Variants in IGFBP2 observed in about 807,000 individuals in gnomAD.
IGFBP2 encodes insulin like growth factor binding protein 2, also known as insulin-like growth factor-binding protein 2.
Under a neutral mutation model 26.2 loss-of-function variants are expected in IGFBP2, and 12 were observed. The observed-to-expected ratio is 0.46, with a 90% CI of 0.29 to 0.74. The LOEUF is 0.74. Ranked by LOEUF, IGFBP2 falls within the 30% of genes least tolerant of loss-of-function variation. The pLI is 0.09. For synonymous variants in IGFBP2, 189 were observed against 200.6 expected (o/e 0.94, Z 0.49); for missense variants, 328 against 441.2 (o/e 0.74, Z 2.30).
At chr2:216,650,465 A>G (rs1194404009) in intron 1 of IGFBP2, among the ~76,000 whole-genome samples, 1 of 152,214 alleles carries the variant, frequency 6.6e-6, no homozygotes, top group Non-Finnish European at 1.5e-5. Flanking sequence ...AAGAGTTTGC[A>G]GAGTGGTTTG....
rs140014895 is a variant in IGFBP2 at position 216,647,809 on chromosome 2, T to C, written c.443-12748T>C. Among the ~76,000 whole-genome samples the C allele has an allele frequency of 8.9e-3, 1,356 of 152,282 alleles. 24 individuals carry two copies. Among genetic ancestry groups the C allele is most frequent in the African/African-American group, 0.029 (1,213 of 41,550 alleles). ...TGCTGGGATTACAGGGGTGAGCCAC[T>C]GCGCCCGGCCCTTATTTATTTGTTT... On this transcript the variant is annotated intron_variant, in intron 1 of 3. Coordinates refer to ENST00000233809, the MANE Select transcript of IGFBP2 (RefSeq NM_000597.3).
At chr2:216,651,781 G>T (rs984184476) in intron 1 of IGFBP2, among the ~76,000 whole-genome samples, 8 of 152,138 alleles carry the variant, frequency 5.3e-5, no homozygotes, top group Non-Finnish European at 1.2e-4. Context: ...TTGAAACAAG[G>T]TCTTGCTTTG....
At chr2:216,634,969 G>T (rs1169726207) in intron 1 of IGFBP2, among the ~76,000 whole-genome samples, 1 of 142,796 alleles carries the variant, frequency 7.0e-6, no homozygotes, top group Non-Finnish European at 1.5e-5. Context: ...TTTCCTCTTG[G>T]AGACAGTGGT....
intron 1 of IGFBP2, among the ~76,000 whole-genome samples, chr2:216,657,465 G>A (rs952961499): frequency 5.7e-4 from 86 of 152,156 alleles, no homozygotes; most frequent in African/African-American, 2.1e-3. Flanking sequence ...GAAGAGGGAA[G>A]GGGGGCTCTT....
chr2:216,642,082 C>T (rs1559175493), intron 1 of IGFBP2, among the ~76,000 whole-genome samples: 1 of 150,534 alleles, frequency 6.6e-6, no homozygotes, highest in Non-Finnish European at 1.5e-5. Context: ...TCACTGCAAG[C>T]TCCATCTCCC....
rs1207733769 is a variant in IGFBP2 at position 216,633,586 on chromosome 2, G to A, written c.63G>A (p.Leu21=). 5 of 1,019,036 alleles carry A rather than the reference G, an allele frequency of 4.9e-6. No homozygotes were observed. The African/African-American group carries it at 7.0e-5, about 14-fold the overall frequency. 63.1% of individuals were successfully genotyped at this position (1,019,036 alleles called of 1,614,324 possible). A position where few individuals can be genotyped will look rare whatever the true frequency, so the allele number is the denominator to read the frequency against. The part of the protein sequence containing the change: ...PLPPPPLLPL[L]LLLLGASGGG... Reference sequence around the variant, plus strand: ...CGCCGCCGCCGCTGCTGCCGCTGCTGCTGCTGCTACTGGGCGCGAGTGGCG... The same window carrying A: ...CGCCGCCGCCGCTGCTGCCGCTGCTACTGCTGCTACTGGGCGCGAGTGGCG... Residue 21 remains leucine, a synonymous_variant, in exon 1 of 4, where the codon CTG becomes CTA. Coordinates refer to ENST00000233809, the MANE Select transcript of IGFBP2 (RefSeq NM_000597.3).
Position 216,633,573 on chromosome 2 carries a change from T to TGCTGCCGCCGCTGCCGCTGCTGCCGCC in IGFBP2, c.58_59insCGCTGCCGCTGCTGCCGCCGCTGCCGC (p.Pro19_Leu20insProLeuProLeuLeuProProLeuPro), listed in dbSNP as rs771452702. On this transcript the variant is annotated inframe_insertion, in exon 1 of 4. Transcript: ENST00000233809. Reference sequence around the variant, plus strand: ...GCGCTGCCGCTGCCGCCGCCGCCGCTGCTGCCGCTGCTGCTGCTGCTACTG... The same window carrying TGCTGCCGCCGCTGCCGCTGCTGCCGCC: ...GCGCTGCCGCTGCCGCCGCCGCCGCTGCTGCCGCCGCTGCCGCTGCTGCCGCCGCTGCCGCTGCTGCTGCTGCTACTG... 4.0e-6 allele frequency: 4 copies of TGCTGCCGCCGCTGCCGCTGCTGCCGCC among 1,010,608 alleles called. No homozygotes were observed. The highest frequency in any genetic ancestry group is 1.8e-5 in the African/African-American group (1 of 56,638). The allele number at this position is 1,010,608 out of a possible 1,614,324, so 62.6% of individuals were successfully genotyped here. A position where few individuals can be genotyped will look rare whatever the true frequency, so the allele number is the denominator to read the frequency against.
intron 1 of IGFBP2, among the ~76,000 whole-genome samples, chr2:216,643,587 G>A (rs1261219865): frequency 6.6e-6 from 1 of 152,028 alleles, no homozygotes; most frequent in African/African-American, 2.4e-5. Flanking sequence ...CAATCTTTTG[G>A]CTTCCCTGGG....
At position 216,661,998 on chromosome 2, in the gene IGFBP2, G is replaced by A. The variant is rs756176893; in HGVS notation, c.813G>A (p.Gln271=). 2 of 1,614,036 alleles carry A rather than the reference G, an allele frequency of 1.2e-6. No individual in the cohort carries two copies. Among genetic ancestry groups the A allele is most frequent in the Non-Finnish European group, 1.7e-6 (2 of 1,179,944 alleles). ...CDKHGLYNLK[Q]CKMSLNGQRG... ...AGCATGGCCTGTACAACCTCAAACA[G>A]GTGAGCATGGTGCCAGCCTGGGCCA... is the stretch of plus-strand genomic sequence containing the variant. Residue 271 remains glutamine (Q), a splice_region_variant and synonymous_variant, in exon 3 of 4, where the codon CAG becomes CAA. Coordinates refer to ENST00000233809, the MANE Select transcript of IGFBP2 (RefSeq NM_000597.3).
chr2:216,654,467 T>C (rs1697882801), intron 1 of IGFBP2, among the ~76,000 whole-genome samples: 1 of 152,236 alleles, frequency 6.6e-6, no homozygotes, highest in Non-Finnish European at 1.5e-5. Context: ...AGCTCAGTAG[T>C]AAAAGCTTGA....
intron 1 of IGFBP2, among the ~76,000 whole-genome samples, chr2:216,636,776 C>T (rs1399469319): frequency 1.3e-5 from 2 of 152,194 alleles, no homozygotes; most frequent in Non-Finnish European, 2.9e-5. Flanking sequence ...CAGTATCTCC[C>T]CAGCCTCCTT....
rs9341184 is a variant in IGFBP2 at position 216,654,564 on chromosome 2, A to G, written c.443-5993A>G. Reference sequence around the variant, plus strand: ...GAATGCAGGCTTTTCTCAGCCTACAATGCTTTCTGATCTCTGCCTGGTCAA... The same window carrying G: ...GAATGCAGGCTTTTCTCAGCCTACAGTGCTTTCTGATCTCTGCCTGGTCAA... On this transcript the variant is annotated intron_variant, in intron 1 of 3. Coordinates refer to ENST00000233809, the MANE Select transcript of IGFBP2 (RefSeq NM_000597.3). Among the ~76,000 whole-genome samples the G allele has an allele frequency of 4.1e-3, 624 of 152,294 alleles. 4 individuals carry two copies. The highest frequency in any genetic ancestry group is 0.014 in the African/African-American group (593 of 41,572).
chr2:216,660,976 G>C, intron 2 of IGFBP2, 190 bp downstream of exon 2: 4 of 596,818 alleles, frequency 6.7e-6, no homozygotes, highest in Non-Finnish European at 9.0e-6. Context: ...CTGTGAAATA[G>C]ACTGGACATG....
intron 3 of IGFBP2, chr2:216,662,756 T>A (rs1306114778): frequency 6.6e-6 from 1 of 151,192 alleles, no homozygotes; most frequent in Non-Finnish European, 1.5e-5. Context: ...CTCAGCTCAC[T>A]GCAACCTCCG....
At chr2:216,636,642 A>C (rs1385910485) in intron 1 of IGFBP2, among the ~76,000 whole-genome samples, 2 of 152,150 alleles carry the variant, frequency 1.3e-5, no homozygotes, top group Non-Finnish European at 1.5e-5. Flanking sequence ...GGACTCTAAA[A>C]GCGTGTGTAT....
chr2:216,650,059 G>C (rs1337464196), intron 1 of IGFBP2, among the ~76,000 whole-genome samples: 1 of 152,212 alleles, frequency 6.6e-6, no homozygotes, highest in African/African-American at 2.4e-5. Flanking sequence ...GCCTCACCAG[G>C]AAGTTCTTCA....
chr2:216,634,786 G>A (rs993450576), intron 1 of IGFBP2, among the ~76,000 whole-genome samples: 1 of 128,618 alleles, frequency 7.8e-6, no homozygotes, highest in Non-Finnish European at 1.6e-5. Context: ...TAAATTGAGG[G>A]ACCCTTTCCT....
chr2:216,661,029 G>A (rs1688632975), intron 2 of IGFBP2: 2 of 548,108 alleles, frequency 3.6e-6, no homozygotes, highest in Admixed American at 3.4e-5. Context: ...TCACATTTCT[G>A]TATGGTTTTG....
At chr2:216,641,815 G>A (rs180684267) in intron 1 of IGFBP2, among the ~76,000 whole-genome samples, 12,833 of 148,994 alleles carry the variant, frequency 0.086, 620 homozygotes, top group African/African-American at 0.14. Context: ...TCAGCCTCCC[G>A]AGTAGCTGGG....
Sources: allele counts gnomAD v4.1 joint callset (sites outside exome capture counted in the v4.1 genomes callset), GRCh38; gene constraint gnomAD v4.1.1; transcripts MANE v1.5; gene names NCBI Gene and HGNC (gene_info 2026-07-23, HGNC 2026-07-21).